Variants in LRP1B observed in about 807,000 individuals in gnomAD.
LRP1B encodes the protein low-density lipoprotein receptor-related protein 1B.
In LRP1B, 217 loss-of-function variants were observed where a neutral mutation model predicts 556.6. The ratio of observed to expected loss-of-function variants is 0.39; its 90% CI spans 0.35 to 0.44. The LOEUF is 0.44. LRP1B is among the 20% of genes least tolerant of loss of function. The pLI is 1.00. For synonymous variants in LRP1B, 2,047 were observed against 1,865.8 expected (o/e 1.10, Z -2.50); for missense variants, 5,053 against 5,620.8 (o/e 0.90, Z 3.23).
At chr2:140,374,507 T>C (rs2105175069) in intron 68 of LRP1B, among the ~76,000 whole-genome samples, 1 of 152,258 alleles carries the variant, frequency 6.6e-6, no homozygotes, top group South Asian at 2.1e-4. Context: ...ATGTGGGATA[T>C]CTGGAGGAAG....
chr2:141,455,464 T>C (rs937089782), intron 3 of LRP1B, among the ~76,000 whole-genome samples: 1 of 152,124 alleles, frequency 6.6e-6, no homozygotes, highest in Non-Finnish European at 1.5e-5. Flanking sequence ...TGTGCAGGAA[T>C]AGCAGACACC....
At chr2:142,082,973 A>G (rs944424212) in intron 1 of LRP1B, among the ~76,000 whole-genome samples, 1 of 152,200 alleles carries the variant, frequency 6.6e-6, no homozygotes, top group Non-Finnish European at 1.5e-5. Context: ...TGTTTTAACA[A>G]GGAATTCTAA....
intron 1 of LRP1B, among the ~76,000 whole-genome samples, chr2:141,949,482 C>T (rs1362908601): frequency 6.6e-6 from 1 of 152,136 alleles, no homozygotes; most frequent in Admixed American, 6.5e-5. Context: ...CCTCTGCCTC[C>T]TGGGTTCAAG....
intron 3 of LRP1B, among the ~76,000 whole-genome samples, chr2:141,477,511 C>T (rs1340532361): frequency 6.6e-6 from 1 of 152,106 alleles, no homozygotes; most frequent in African/African-American, 2.4e-5. Flanking sequence ...TGAGTTCCTA[C>T]AATGTACCTT....
chr2:141,429,888 A>G (rs1680503050), intron 3 of LRP1B, among the ~76,000 whole-genome samples: 1 of 152,212 alleles, frequency 6.6e-6, no homozygotes, highest in Non-Finnish European at 1.5e-5. Flanking sequence ...GCCTATTGAC[A>G]ATGGATTAAG....
At chr2:141,077,372 T>C (rs1456875193) in intron 7 of LRP1B, among the ~76,000 whole-genome samples, 1 of 152,230 alleles carries the variant, frequency 6.6e-6, no homozygotes, top group Non-Finnish European at 1.5e-5. Context: ...AAACAGATTG[T>C]TTCGATCACA....
chr2:142,059,195 G>A (rs1211310144), intron 1 of LRP1B, among the ~76,000 whole-genome samples: 1 of 152,088 alleles, frequency 6.6e-6, no homozygotes, highest in Admixed American at 6.6e-5. Context: ...TTTTGGGGAT[G>A]ATGGAAATGT....
chr2:141,869,477 T>C (rs934321965), intron 1 of LRP1B, among the ~76,000 whole-genome samples: 1 of 152,040 alleles, frequency 6.6e-6, no homozygotes, highest in Non-Finnish European at 1.5e-5. Flanking sequence ...GATACTAATA[T>C]GTTTTTTAAC....
At chr2:142,063,904 C>T (rs1012349175) in intron 1 of LRP1B, among the ~76,000 whole-genome samples, 1 of 151,552 alleles carries the variant, frequency 6.6e-6, no homozygotes, top group African/African-American at 2.4e-5. Flanking sequence ...TATCAGTACA[C>T]ATATACATCA....
chr2:140,930,429 T>C (rs995381552), intron 20 of LRP1B, among the ~76,000 whole-genome samples: 1 of 152,064 alleles, frequency 6.6e-6, no homozygotes, highest in African/African-American at 2.4e-5. Context: ...GTTAGAAGAC[T>C]AGCAACTGTA....
intron 25 of LRP1B, among the ~76,000 whole-genome samples, chr2:140,875,903 T>C (rs999993364): frequency 2.0e-5 from 3 of 152,176 alleles, no homozygotes; most frequent in Admixed American, 6.6e-5. Context: ...AATTATTGTG[T>C]GCCACAGAGG....
rs199749944 is a variant in LRP1B at position 140,702,246 on chromosome 2, C to T, written c.6197G>A (p.Arg2066Lys). 108 of 1,613,710 alleles carry T rather than the reference C, an allele frequency of 6.7e-5. No homozygotes were observed. Among genetic ancestry groups the T allele is most frequent in the Admixed American group, 1.5e-4 (9 of 59,942 alleles). ...WCDARTDKIE[R>K]IDLETGGNRE... ...ATTCCCTCCAGTCTCAAGGTCGATTCTCTCTATCTTGTCTGTGCGAGCATC... is the reference window on the plus strand; with the variant it reads ...ATTCCCTCCAGTCTCAAGGTCGATTTTCTCTATCTTGTCTGTGCGAGCATC... The change falls in exon 39 of 91, where the codon AGA (arginine) becomes AAA (lysine). Residue 2066 changes from arginine (R) to lysine (K), a missense_variant. Arg to Lys is a conservative substitution (Grantham distance 26). Coordinates refer to ENST00000389484, the MANE Select transcript of LRP1B (RefSeq NM_018557.3).
chr2:141,394,183 AAG>A (rs1236026302), intron 3 of LRP1B, among the ~76,000 whole-genome samples: 1 of 152,156 alleles, frequency 6.6e-6, no homozygotes, highest in Admixed American at 6.6e-5. Context: ...ACTGCATAAT[AAG>A]AAATCATCTC....
At chr2:141,171,161 T>G (rs955205547) in intron 7 of LRP1B, among the ~76,000 whole-genome samples, 2 of 152,148 alleles carry the variant, frequency 1.3e-5, no homozygotes, top group African/African-American at 4.8e-5. Context: ...CTTGTTACAA[T>G]TACTGAACCA....
At chr2:141,258,280 T>C (rs1431553429) in intron 3 of LRP1B, among the ~76,000 whole-genome samples, 3 of 152,124 alleles carry the variant, frequency 2.0e-5, no homozygotes, top group African/African-American at 7.2e-5. Context: ...GGTCAAGAGA[T>C]GGAGACCATT....
At position 141,116,222 on chromosome 2, in the gene LRP1B, T is replaced by C. The variant is rs192859225; in HGVS notation, c.1014-53949A>G. ...ACAGTGATTTGTTATTATATTAAAA[T>C]CTGTAACAATTATGAGAGGAAACGT... On this transcript the variant is annotated intron_variant, in intron 7 of 90. Transcript: ENST00000389484. 3.9e-3 allele frequency among the ~76,000 whole-genome samples: 587 copies of C among 152,280 alleles called. 4 individuals carry two copies. The highest frequency in any genetic ancestry group is 0.011 in the African/African-American group (466 of 41,582).
At chr2:141,169,912 A>T (rs1680425942) in intron 7 of LRP1B, among the ~76,000 whole-genome samples, 1 of 151,794 alleles carries the variant, frequency 6.6e-6, no homozygotes, top group African/African-American at 2.4e-5. Flanking sequence ...ATTCTTAATT[A>T]TAAAGTACCA....
chr2:140,952,004 A>G lies in LRP1B; in HGVS notation c.2888-64T>C, dbSNP rs542616913. Reference sequence around the variant, plus strand: ...ATTGACTGTGCATGACATAATTCGTATCATCTGATAATGTGATCAGAACTC... The same window carrying G: ...ATTGACTGTGCATGACATAATTCGTGTCATCTGATAATGTGATCAGAACTC... On this transcript the variant is annotated intron_variant, in intron 18 of 90. Transcript: ENST00000389484. 30 of 1,146,920 alleles carry G rather than the reference A, an allele frequency of 2.6e-5. No individual in the cohort carries two copies. In the African/African-American group the frequency reaches 3.3e-4, roughly 13 times the overall value. 71.0% of individuals were successfully genotyped at this position (1,146,920 alleles called of 1,614,324 possible). A position where few individuals can be genotyped will look rare whatever the true frequency, so the allele number is the denominator to read the frequency against.
At chr2:140,639,273 T>C (rs1450258916) in intron 41 of LRP1B, among the ~76,000 whole-genome samples, 1 of 152,204 alleles carries the variant, frequency 6.6e-6, no homozygotes, top group African/African-American at 2.4e-5. Context: ...ACTTCAATGA[T>C]TACTAATTAA....
Sources: allele counts gnomAD v4.1 joint callset (sites outside exome capture counted in the v4.1 genomes callset), GRCh38; gene constraint gnomAD v4.1.1; transcripts MANE v1.5; gene names NCBI Gene and HGNC (gene_info 2026-07-23, HGNC 2026-07-21).